The following ADGRG3 variants were observed in gnomAD, a reference collection of about 807,000 sequenced individuals.
ADGRG3 encodes adhesion G protein-coupled receptor G3.
Under a neutral mutation model 54.3 loss-of-function variants are expected in ADGRG3, and 39 were observed. That is an observed-to-expected ratio of 0.72 (90% confidence interval 0.56 to 0.94). ADGRG3 has a LOEUF of 0.94. ADGRG3 is among the 40% of genes least tolerant of loss of function. The pLI is 0.00. For missense variants in ADGRG3, 654 were observed against 694.6 expected (o/e 0.94, Z 0.66); for synonymous variants, 312 against 290.0 (o/e 1.08, Z -0.77).
At chr16:57,674,712 G>A (rs531866550) in intron 2 of ADGRG3, 5 of 345,234 alleles carry the variant, frequency 1.4e-5, no homozygotes, top group East Asian at 8.6e-5. Context: ...GGCCAGGCAC[G>A]GCGGCTCACA....
Position 57,675,980 on chromosome 16 carries a change from T to G in ADGRG3, c.207-220T>G, listed in dbSNP as rs114702051. Among the ~76,000 whole-genome samples, 2,172 of 152,342 alleles carry G rather than the reference T, an allele frequency of 0.014. 53 individuals are homozygous for G. The highest frequency in any genetic ancestry group is 0.049 in the African/African-American group (2,048 of 41,576). On this transcript the variant is annotated intron_variant, in intron 2 of 11. Coordinates refer to ENST00000333493, the MANE Select transcript of ADGRG3 (RefSeq NM_170776.5). ...TTTATGCTATGTGTACTTTACCATATGCACAAAAAAAGACAAACACATAAA... is the reference window on the plus strand; with the variant it reads ...TTTATGCTATGTGTACTTTACCATAGGCACAAAAAAAGACAAACACATAAA...
intron 1 of ADGRG3, among the ~76,000 whole-genome samples, chr16:57,671,938 C>G (rs575329985): frequency 6.6e-6 from 1 of 152,162 alleles, no homozygotes; most frequent in South Asian, 2.1e-4. Context: ...GTGAGCGGAT[C>G]GCTTGAGCCC....
chr16:57,688,484 G>T lies in ADGRG3; in HGVS notation c.*23G>T, dbSNP rs763588993. 1 of 1,356,452 alleles carries T rather than the reference G, an allele frequency of 7.4e-7. No individual in the cohort carries two copies. Among genetic ancestry groups the T allele is most frequent in the East Asian group, 2.3e-5 (1 of 43,678 alleles). The allele number at this position is 1,356,452 out of a possible 1,614,324, so 84.0% of individuals were successfully genotyped here. On this transcript the variant is annotated 3_prime_UTR_variant, in exon 12 of 12. Transcript: ENST00000333493. ...TAGGAAGGCACGGCCCTGCAATATG[G>T]ACTCAGCTCTGGCTCTCTGTGTGAC... is the stretch of plus-strand genomic sequence containing the variant.
intron 6 of ADGRG3, among the ~76,000 whole-genome samples, 166 bp downstream of exon 6, chr16:57,680,021 C>T (rs1312993409): frequency 1.1e-5 from 1 of 88,594 alleles, no homozygotes; most frequent in African/African-American, 4.9e-5. Flanking sequence ...CCCCTCCCCC[C>T]CCTCCTCACC....
intron 1 of ADGRG3, 25 bp from the exon 2 acceptor site, chr16:57,673,296 C>A (rs2048195884): frequency 1.9e-6 from 3 of 1,598,512 alleles, no homozygotes; most frequent in South Asian, 1.1e-5. Context: ...CCAGCCCATT[C>A]ACACTCTCTG....
chr16:57,679,934 C>T, intron 6 of ADGRG3, 79 bp downstream of exon 6: 1 of 1,142,568 alleles, frequency 8.8e-7, no homozygotes, highest in Non-Finnish European at 1.3e-6. Context: ...GCTAGCTCCA[C>T]TGGCTGAGTC....
chr16:57,678,702 C>T (rs1362863364), intron 4 of ADGRG3: 5 of 327,136 alleles, frequency 1.5e-5, no homozygotes, highest in African/African-American at 6.3e-5. Flanking sequence ...TACCCATGCC[C>T]TTGCACATGT....
At chr16:57,678,882 T>C in intron 4 of ADGRG3, 1 of 466,402 alleles carries the variant, frequency 2.1e-6, no homozygotes, top group Middle Eastern at 5.9e-4. Context: ...TCTTGGCTGA[T>C]CTTGGCCCCA....
intron 10 of ADGRG3, 151 bp from the exon 11 acceptor site, chr16:57,685,492 G>A: frequency 2.9e-6 from 2 of 699,992 alleles, no homozygotes; most frequent in Admixed American, 2.5e-5. Context: ...GGAGCCAGGT[G>A]ACGGCCCCTC....
Position 57,668,374 on chromosome 16 carries a change from C to A in ADGRG3, c.27C>A (p.Ala9=). 1 of 1,575,072 alleles carries A rather than the reference C, an allele frequency of 6.3e-7. No individual in the cohort carries two copies. MATPRGLG[A]LLLLLLLPTS... is the part of the protein sequence containing the mutation. Reference sequence around the variant, plus strand: ...TGGCGACGCCCAGGGGCCTGGGGGCCCTGCTCCTGCTCCTCCTGCTCCCGA... The same window carrying A: ...TGGCGACGCCCAGGGGCCTGGGGGCACTGCTCCTGCTCCTCCTGCTCCCGA... Residue 9 remains alanine (A), a synonymous_variant, in exon 1 of 12, where the codon GCC becomes GCA. Transcript: ENST00000333493.
chr16:57,676,416 T>TTTGA, intron 3 of ADGRG3, 78 bp downstream of exon 3: 1 of 1,399,112 alleles, frequency 7.1e-7, no homozygotes, highest in Non-Finnish European at 1.0e-6. Context: ...CTAAGAGAGT[T>TTTGA]ATATCCTGTG....
rs147947347 is a variant in ADGRG3, at chr16:57,679,184, G to A, written c.500G>A (p.Arg167Gln). The A allele has an allele frequency of 2.3e-4, 367 of 1,613,664 alleles. No homozygotes were observed. Among genetic ancestry groups the A allele is most frequent in the Middle Eastern group, 3.3e-4 (2 of 6,078 alleles). The change falls in exon 5 of 12, where the codon CGG becomes CAG. Residue 167 changes from arginine (R) to glutamine (Q), a missense_variant. Arg to Gln is a conservative substitution (Grantham distance 43). Coordinates refer to ENST00000333493, the MANE Select transcript of ADGRG3 (RefSeq NM_170776.5). The stretch of plus-strand genomic sequence containing the variant: ...CGATCTCCCCTTTCACAGGGCCCCC[G>A]GCTCGGCCTGGGAGATGGCAGCGGC... ...IGPGTLFKGP[R>Q]LGLGDGSGVL... is the part of the protein sequence containing the mutation.
rs75376689 is a variant in ADGRG3 at position 57,672,614 on chromosome 16, C to T, written c.59-707C>T. On this transcript the variant is annotated intron_variant, in intron 1 of 11. Transcript: ENST00000333493. Reference sequence around the variant, plus strand: ...TTTAAGTAACTTGCCTCAGGACATACAGTTAGTAGATGACCCAAAGCTTCC... The same window carrying T: ...TTTAAGTAACTTGCCTCAGGACATATAGTTAGTAGATGACCCAAAGCTTCC... 4.8e-3 allele frequency among the ~76,000 whole-genome samples: 724 copies of T among 152,266 alleles called. 1 individual carries two copies. Among genetic ancestry groups the T allele is most frequent in the Middle Eastern group, 0.02 (6 of 294 alleles).
chr16:57,684,444 A>G lies in ADGRG3; in HGVS notation c.1217A>G (p.Tyr406Cys), dbSNP rs1479508772. ...GGGAGTGCCAACAGCTACGGCCTCTACACCATCCGTGATAGGGAGAACCGC... is the reference window on the plus strand; with the variant it reads ...GGGAGTGCCAACAGCTACGGCCTCTGCACCATCCGTGATAGGGAGAACCGC... ...GTGSANSYGLYTIRDRENRTS... is the reference protein window; with the variant it reads ...GTGSANSYGLCTIRDRENRTS... The change falls in exon 10 of 12, where the codon TAC (tyrosine) becomes TGC (cysteine). Residue 406 changes from tyrosine to cysteine, a missense_variant. By Grantham distance (194) the Tyr-to-Cys change is radical. Transcript: ENST00000333493. 3.7e-6 allele frequency: 6 copies of G among 1,613,712 alleles called. No individual in the cohort carries two copies. The highest frequency in any genetic ancestry group is 5.1e-6 in the Non-Finnish European group (6 of 1,179,948).
intron 1 of ADGRG3, among the ~76,000 whole-genome samples, chr16:57,668,832 C>T (rs947678103): frequency 7.2e-5 from 11 of 152,170 alleles, no homozygotes; most frequent in African/African-American, 1.9e-4. Context: ...TCTGTCACCT[C>T]GTTCTTCTGG....
intron 6 of ADGRG3, among the ~76,000 whole-genome samples, 183 bp from the exon 7 acceptor site, chr16:57,680,077 TTCCCC>T (rs1253360972): frequency 6.4e-5 from 4 of 62,578 alleles, no homozygotes; most frequent in South Asian, 8.9e-4. Flanking sequence ...TTCCCCTCTG[TTCCCC>T]TCCCCTCCCC....
At chr16:57,685,568 T>C (rs2048458028) in intron 10 of ADGRG3, 75 bp from the exon 11 acceptor site, 9 of 1,440,596 alleles carry the variant, frequency 6.2e-6, no homozygotes, top group Middle Eastern at 3.8e-4. Context: ...ACAGAAAAGC[T>C]CAGCCAGGGG....
At chr16:57,675,042 G>T (rs2048237556) in intron 2 of ADGRG3, among the ~76,000 whole-genome samples, 1 of 141,850 alleles carries the variant, frequency 7.0e-6, no homozygotes, top group Non-Finnish European at 1.5e-5. Context: ...GCAGCATCTT[G>T]TACGTGAATA....
chr16:57,687,703 A>G (rs533605821), intron 11 of ADGRG3, among the ~76,000 whole-genome samples: 2 of 152,236 alleles, frequency 1.3e-5, no homozygotes, highest in Non-Finnish European at 2.9e-5. Context: ...TGCCTGGAGA[A>G]TCCCAGGGGT....
Sources: allele counts gnomAD v4.1 joint callset (sites outside exome capture counted in the v4.1 genomes callset), GRCh38; gene constraint gnomAD v4.1.1; transcripts MANE v1.5; gene names NCBI Gene and HGNC (gene_info 2026-07-23, HGNC 2026-07-21).